Variants in GASK1B observed in about 807,000 individuals in gnomAD.
GASK1B encodes golgi associated kinase 1B, also known as Golgi-associated kinase 1B.
In GASK1B, 34 loss-of-function variants were observed where a neutral mutation model predicts 42.8. The observed-to-expected ratio is 0.79, with a 90% CI of 0.60 to 1.06. The LOEUF is 1.06. Ranked by LOEUF, GASK1B falls within the 50% of genes least tolerant of loss-of-function variation. The probability of loss-of-function intolerance (pLI) is 0.00; values close to 1 mark genes in which losing one functional copy is unlikely to be tolerated. For synonymous variants in GASK1B, 262 were observed against 259.1 expected (o/e 1.01, Z -0.11); for missense variants, 686 against 661.0 (o/e 1.04, Z -0.42).
chr4:158,127,436 C>T lies in GASK1B; in HGVS notation c.1531G>A (p.Gly511Arg), dbSNP rs200022714. 6.2e-6 allele frequency: 10 copies of T among 1,613,532 alleles called. No individual in the cohort carries two copies. The East Asian group carries it at 6.7e-5, about 11-fold the overall frequency. ...KILITYINAHGVKVLPMNE is the reference protein window; with the variant it reads ...KILITYINAHRVKVLPMNE ...TCATTCATAGGTAATACTTTGACCC[C>T]GTGTGCATTGATATAGGTGATAAGA... is the stretch of plus-strand genomic sequence containing the variant. The change falls in exon 5 of 5, where the codon GGG becomes AGG. Residue 511 changes from glycine to arginine, a missense_variant. Coordinates refer to ENST00000585682, the MANE Select transcript of GASK1B (RefSeq NM_001128424.2).
At chr4:158,171,808 A>G (rs1732553848) in intron 1 of GASK1B, among the ~76,000 whole-genome samples, 1 of 152,228 alleles carries the variant, frequency 6.6e-6, no homozygotes. Context: ...CAAAAATCCA[A>G]GAGTGTTTTA....
intron 1 of GASK1B, chr4:158,172,226 TTTTA>T (rs1449382462): frequency 6.6e-6 from 1 of 152,138 alleles, no homozygotes; most frequent in Non-Finnish European, 1.5e-5. Context: ...TCTGACTGCT[TTTTA>T]TTTCTTTTCT....
chr4:158,147,638 TA>T lies in GASK1B; in HGVS notation c.1125+7972del, dbSNP rs1318468843. Among the ~76,000 whole-genome samples the T allele has an allele frequency of 2.7e-3, 411 of 149,782 alleles. 1 individual carries two copies. The highest frequency in any genetic ancestry group is 4.2e-3 in the Non-Finnish European group (286 of 67,418). On this transcript the variant is annotated intron_variant, in intron 3 of 4. Coordinates refer to ENST00000585682, the MANE Select transcript of GASK1B (RefSeq NM_001128424.2). The stretch of plus-strand genomic sequence containing the variant: ...AAAAAAAAAAAAATTAAATTTAAAT[TA>T]AAAAAAAACTTGTATGATGGTGAAT...
intron 3 of GASK1B, among the ~76,000 whole-genome samples, chr4:158,138,448 C>T (rs916675346): frequency 4.6e-5 from 7 of 152,108 alleles, no homozygotes; most frequent in African/African-American, 1.7e-4. Flanking sequence ...AATAACCTTA[C>T]TGTAATAAAA....
chr4:158,145,511 C>T (rs566570195), intron 3 of GASK1B, among the ~76,000 whole-genome samples: 1 of 152,286 alleles, frequency 6.6e-6, no homozygotes, highest in South Asian at 2.1e-4. Context: ...TTCATACCCT[C>T]AACCCTTTGC....
intron 3 of GASK1B, among the ~76,000 whole-genome samples, chr4:158,141,732 G>C (rs1382799324): frequency 6.8e-6 from 1 of 146,766 alleles, no homozygotes; most frequent in African/African-American, 2.5e-5. Flanking sequence ...TCAGCTTCCC[G>C]AGTAGCTGGG....
chr4:158,138,320 C>A (rs772066915), intron 3 of GASK1B, among the ~76,000 whole-genome samples: 15 of 152,172 alleles, frequency 9.9e-5, no homozygotes, highest in East Asian at 1.9e-4. Context: ...AAAGACACAT[C>A]CATTTTCCTG....
chr4:158,148,694 T>C (rs1053831687), intron 3 of GASK1B, among the ~76,000 whole-genome samples: 1 of 152,116 alleles, frequency 6.6e-6, no homozygotes, highest in Non-Finnish European at 1.5e-5. Context: ...TTATGGAGCA[T>C]CAAAAAAGAG....
At chr4:158,153,642 T>C (rs894402506) in intron 3 of GASK1B, among the ~76,000 whole-genome samples, 33 of 152,226 alleles carry the variant, frequency 2.2e-4, no homozygotes, top group African/African-American at 7.9e-4. Context: ...AATATGATAC[T>C]GGTATAAAAA....
chr4:158,151,098 A>G (rs1364604716), intron 3 of GASK1B, among the ~76,000 whole-genome samples: 3 of 152,258 alleles, frequency 2.0e-5, no homozygotes. Flanking sequence ...GCAACAACGG[A>G]AAAGTTTTTT....
At chr4:158,149,059 G>A (rs1321413653) in intron 3 of GASK1B, among the ~76,000 whole-genome samples, 1 of 152,128 alleles carries the variant, frequency 6.6e-6, no homozygotes, top group Non-Finnish European at 1.5e-5. Context: ...TGCCCTGAAT[G>A]TTATAAGAAC....
chr4:158,157,634 C>T (rs1731806644), intron 2 of GASK1B, among the ~76,000 whole-genome samples: 1 of 152,054 alleles, frequency 6.6e-6, no homozygotes, highest in African/African-American at 2.4e-5. Flanking sequence ...TGCACACAAA[C>T]AGCACTTTGC....
rs116079243 is a variant in GASK1B, at chr4:158,158,636, G to C, written c.911-2811C>G. ...CCAGTGATCAGCAAATTTTATAAAA[G>C]GCAGAGAGTAAATATTTTAGGTTTT... On this transcript the variant is annotated intron_variant, in intron 2 of 4. Coordinates refer to ENST00000585682, the MANE Select transcript of GASK1B (RefSeq NM_001128424.2). Among the ~76,000 whole-genome samples the C allele has an allele frequency of 2.7e-3, 418 of 152,002 alleles. 2 individuals are homozygous for C. The highest frequency in any genetic ancestry group is 9.3e-3 in the African/African-American group (386 of 41,472).
chr4:158,127,521 A>G lies in GASK1B; in HGVS notation c.1446T>C (p.Ser482=). 1 of 1,613,728 alleles carries G rather than the reference A, an allele frequency of 6.2e-7. No individual in the cohort carries two copies. The highest frequency in any genetic ancestry group is 8.5e-7 in the Non-Finnish European group (1 of 1,179,794). Residue 482 remains serine, a synonymous_variant, in exon 5 of 5, where the codon AGT becomes AGC. Coordinates refer to ENST00000585682, the MANE Select transcript of GASK1B (RefSeq NM_001128424.2). ...SLFLDKVYWE[S]QGGRQGIEKL... The stretch of plus-strand genomic sequence containing the variant: ...TTTCAATTCCTTGTCTACCTCCTTG[A>G]CTTTCCCAATACACTTTATCAAGAA...
intron 3 of GASK1B, among the ~76,000 whole-genome samples, chr4:158,149,923 CTTT>C (rs745441423): frequency 1.5e-5 from 1 of 67,178 alleles, no homozygotes; most frequent in Non-Finnish European, 2.5e-5. Context: ...CTGCATGCTG[CTTT>C]TTTTTTTTTT....
chr4:158,142,387 GA>G (rs1257193241), intron 3 of GASK1B, among the ~76,000 whole-genome samples: 1 of 152,164 alleles, frequency 6.6e-6, no homozygotes, highest in Non-Finnish European at 1.5e-5. Flanking sequence ...ATCAACAGTG[GA>G]TAGACCAAAC....
At chr4:158,133,779 A>G (rs1730773310) in intron 3 of GASK1B, among the ~76,000 whole-genome samples, 1 of 152,212 alleles carries the variant, frequency 6.6e-6, no homozygotes. Context: ...CTGTTGTGCC[A>G]TTCAGATCTA....
In GASK1B at chr4:158,125,087, T is replaced by C. The variant is rs1730399574; in HGVS notation, c.*2320A>G. On this transcript the variant is annotated 3_prime_UTR_variant, in exon 5 of 5. Coordinates refer to ENST00000585682, the MANE Select transcript of GASK1B (RefSeq NM_001128424.2). ...GCACAGAGTATTCTCATTGTTTCAA[T>C]AAGACAAAAGAAGAACATTACCTAT... 6.6e-6 allele frequency: 1 copy of C among 152,196 alleles called. No homozygotes were observed. Among genetic ancestry groups the C allele is most frequent in the Admixed American group, 6.5e-5 (1 of 15,272 alleles). 9.4% of individuals were successfully genotyped at this position (152,196 alleles called of 1,614,324 possible).
chr4:158,164,787 T>C (rs1479618209), intron 2 of GASK1B, among the ~76,000 whole-genome samples: 1 of 152,144 alleles, frequency 6.6e-6, no homozygotes, highest in Non-Finnish European at 1.5e-5. Flanking sequence ...CCTGAAACAA[T>C]ATAAAATGCA....
Sources: allele counts gnomAD v4.1 joint callset (sites outside exome capture counted in the v4.1 genomes callset), GRCh38; gene constraint gnomAD v4.1.1; transcripts MANE v1.5; gene names NCBI Gene and HGNC (gene_info 2026-07-23, HGNC 2026-07-21).